The following ATP8A2 variants were observed in gnomAD, a reference collection of about 807,000 sequenced individuals.
The protein encoded by ATP8A2 is ATPase phospholipid transporting 8A2, also known as phospholipid-transporting ATPase IB.
A neutral mutation model predicts 165.6 loss-of-function variants in ATP8A2; 100 were observed. That is an observed-to-expected ratio of 0.60 (90% CI 0.51 to 0.71). ATP8A2 has a LOEUF of 0.71. Among genes scored for constraint, ATP8A2 ranks in the 30% least tolerant of loss-of-function variants. ATP8A2 has a pLI of 0.00. For missense variants in ATP8A2, 1,227 were observed against 1,479.5 expected (o/e 0.83, Z 2.80); for synonymous variants, 543 against 548.8 (o/e 0.99, Z 0.15).
chr13:25,818,598 T>C (rs1282985752), intron 27 of ATP8A2, among the ~76,000 whole-genome samples: 1 of 152,202 alleles, frequency 6.6e-6, no homozygotes, highest in East Asian at 1.9e-4. Context: ...ATAATTCATC[T>C]AGAGTATTGC....
intron 1 of ATP8A2, among the ~76,000 whole-genome samples, chr13:25,413,153 C>CA (rs1310913728): frequency 2.0e-5 from 3 of 151,884 alleles, no homozygotes; most frequent in Non-Finnish European, 4.4e-5. Flanking sequence ...TAAACCAAAA[C>CA]AAAAATCTAG....
chr13:25,595,205 G>A (rs941087068), intron 24 of ATP8A2, among the ~76,000 whole-genome samples: 1 of 152,106 alleles, frequency 6.6e-6, no homozygotes, highest in African/African-American at 2.4e-5. Context: ...TAAACCAAAG[G>A]TTATTGTTAT....
At position 25,554,855 on chromosome 13, in the gene ATP8A2, C is replaced by T. The variant is rs1593523601; in HGVS notation, c.1186-136C>T. 5.1e-5 allele frequency: 28 copies of T among 546,874 alleles called. No homozygotes were observed. In the East Asian group the frequency reaches 9.4e-4, roughly 18 times the overall value. 33.9% of individuals were successfully genotyped at this position (546,874 alleles called of 1,614,324 possible). Reference sequence around the variant, plus strand: ...GATTACAGGCATGAGCCACTGCGCCCAGCCAAAATCAGCATTTCTATTAAA... The same window carrying T: ...GATTACAGGCATGAGCCACTGCGCCTAGCCAAAATCAGCATTTCTATTAAA... On this transcript the variant is annotated intron_variant, in intron 12 of 36. Transcript: ENST00000381655.
intron 2 of ATP8A2, among the ~76,000 whole-genome samples, chr13:25,479,708 C>G (rs1203118893): frequency 2.0e-4 from 31 of 151,904 alleles, no homozygotes; most frequent in Admixed American, 6.6e-5. Context: ...GAGCATGCTG[C>G]CTTCAAGCAT....
At position 25,553,680 on chromosome 13, in the gene ATP8A2, CA is replaced by C. The variant is rs1420762745; in HGVS notation, c.1058-112del. On this transcript the variant is annotated intron_variant, in intron 11 of 36. Coordinates refer to ENST00000381655, the MANE Select transcript of ATP8A2 (RefSeq NM_016529.6). ...TCCTACAGAAAGCAGCCTTTGAACT[CA>C]CGGTTCCTGACATGCAGGAGGTGCT... 5.4e-6 allele frequency: 6 copies of C among 1,108,530 alleles called. No individual in the cohort carries two copies. In the Admixed American group the frequency reaches 1.3e-4, roughly 24 times the overall value. 68.7% of individuals were successfully genotyped at this position (1,108,530 alleles called of 1,614,324 possible).
chr13:25,522,640 A>G (rs770930082), intron 2 of ATP8A2, among the ~76,000 whole-genome samples: 1 of 152,150 alleles, frequency 6.6e-6, no homozygotes, highest in East Asian at 1.9e-4. Context: ...TTTGTCAAAT[A>G]CTTTTTTCAG....
At chr13:25,445,635 T>TA (rs1491071308) in intron 1 of ATP8A2, among the ~76,000 whole-genome samples, 1 of 152,188 alleles carries the variant, frequency 6.6e-6, no homozygotes, top group African/African-American at 2.4e-5. Context: ...AAATAGAGAC[T>TA]ATGTGAGAAA....
Position 25,553,860 on chromosome 13 carries a change from C to T in ATP8A2, c.1125C>T (p.Pro375=). The T allele has an allele frequency of 6.2e-7, 1 of 1,612,954 alleles. No individual in the cohort carries two copies. The highest frequency in any genetic ancestry group is 2.2e-5 in the East Asian group (1 of 44,880). Residue 375 remains proline, a synonymous_variant, in exon 12 of 37, where the codon CCC becomes CCT. Transcript: ENST00000381655. ...TFIILYNNLI[P]ISLLVTLEVV... ...TCATCTTATACAACAATCTTATTCC[C>T]ATCAGTCTGTTGGTGACTCTTGAGG...
At chr13:25,789,519 G>C (rs948560210) in intron 27 of ATP8A2, among the ~76,000 whole-genome samples, 1 of 151,834 alleles carries the variant, frequency 6.6e-6, no homozygotes, top group Non-Finnish European at 1.5e-5. Context: ...AAGTACTTAG[G>C]TAACTAGGGA....
intron 33 of ATP8A2, among the ~76,000 whole-genome samples, chr13:25,878,203 C>A (rs1450520871): frequency 6.6e-6 from 1 of 152,072 alleles, no homozygotes; most frequent in Non-Finnish European, 1.5e-5. Context: ...ACCACAGGAG[C>A]CCCCTTCTCA....
chr13:25,402,827 A>G (rs59878306), intron 1 of ATP8A2, among the ~76,000 whole-genome samples: 35,525 of 152,100 alleles, frequency 0.23, 4,664 homozygotes, highest in East Asian at 0.45. Flanking sequence ...CCTTAGACTA[A>G]GTAATTCATA....
At chr13:25,454,044 G>A (rs1231260273) in intron 1 of ATP8A2, among the ~76,000 whole-genome samples, 2 of 152,184 alleles carry the variant, frequency 1.3e-5, no homozygotes, top group Non-Finnish European at 2.9e-5. Context: ...AGGATGGTTA[G>A]TCATAATGAG....
chr13:25,702,230 A>G (rs939634928), intron 25 of ATP8A2, among the ~76,000 whole-genome samples: 7 of 151,902 alleles, frequency 4.6e-5, no homozygotes, highest in African/African-American at 1.5e-4. Context: ...CTGGTCTATG[A>G]AATCATGAAG....
At chr13:25,544,743 T>G (rs1185839820) in intron 10 of ATP8A2, among the ~76,000 whole-genome samples, 1 of 151,994 alleles carries the variant, frequency 6.6e-6, no homozygotes, top group Non-Finnish European at 1.5e-5. Context: ...GATGGGCCAG[T>G]GCTGTGATTT....
At chr13:25,908,428 C>T in intron 33 of ATP8A2, among the ~76,000 whole-genome samples, 1 of 152,228 alleles carries the variant, frequency 6.6e-6, no homozygotes, top group East Asian at 1.9e-4. Context: ...TTCATCTTTG[C>T]AACGTCTTGT....
chr13:25,558,703 C>A (rs17728920), intron 13 of ATP8A2, among the ~76,000 whole-genome samples: 18,318 of 152,128 alleles, frequency 0.12, 1,336 homozygotes, highest in Non-Finnish European at 0.18. Context: ...TGGTGCATAT[C>A]ATTCAGTAGC....
rs1954100258 is a variant in ATP8A2, at chr13:25,911,349, A to G, written c.3183+48941A>G. 3.9e-5 allele frequency among the ~76,000 whole-genome samples: 6 copies of G among 152,288 alleles called. No homozygotes were observed. The Middle Eastern group carries it at 0.017, about 435-fold the overall frequency. ...ACCCTCAGCAGCTAGCTCTTACTCC[A>G]TAATACAGCATGGCACAGGCCTATC... On this transcript the variant is annotated intron_variant, in intron 33 of 36. Transcript: ENST00000381655.
chr13:25,539,060 AGTGTGT>A (rs57382485), intron 7 of ATP8A2, among the ~76,000 whole-genome samples: 3,168 of 137,482 alleles, frequency 0.023, 48 homozygotes, highest in Admixed American at 0.052. Context: ...TAGAAAATTT[AGTGTGT>A]GTGTGTGTGT....
intron 27 of ATP8A2, among the ~76,000 whole-genome samples, chr13:25,819,416 T>C (rs1951109074): frequency 6.6e-6 from 1 of 152,180 alleles, no homozygotes; most frequent in Non-Finnish European, 1.5e-5. Context: ...GTCTTACTAC[T>C]ACTACTGTTA....
Sources: gnomAD v4.1 joint callset for allele counts (sites outside exome capture counted in the v4.1 genomes callset) on GRCh38, gnomAD v4.1.1 for gene constraint, MANE v1.5 for transcripts, NCBI Gene and HGNC (gene_info 2026-07-23, HGNC 2026-07-21) for gene names.